The following SORCS2 variants were observed in gnomAD, a reference collection of about 807,000 sequenced individuals.
SORCS2 encodes the protein VPS10 domain-containing receptor SorCS2.
A neutral mutation model predicts 141.6 loss-of-function variants in SORCS2; 100 were observed. That is an observed-to-expected ratio of 0.71 (90% CI 0.60 to 0.83). The LOEUF (loss-of-function observed/expected upper bound fraction) is 0.83, where lower values mean the gene tolerates loss of function less well. Among genes scored for constraint, SORCS2 ranks in the 40% least tolerant of loss-of-function variants. The pLI is 0.00. For missense variants in SORCS2, 1,646 were observed against 1,560.2 expected (o/e 1.05, Z -0.93); for synonymous variants, 789 against 676.9 (o/e 1.17, Z -2.57).
At chr4:7,240,727 C>T (rs1488228324) in intron 1 of SORCS2, among the ~76,000 whole-genome samples, 2 of 152,142 alleles carry the variant, frequency 1.3e-5, no homozygotes, top group Non-Finnish European at 2.9e-5. Context: ...TGTAAACCTC[C>T]CCCTGAAGGG....
At chr4:7,405,988 C>T (rs904724731) in intron 2 of SORCS2, among the ~76,000 whole-genome samples, 1 of 151,794 alleles carries the variant, frequency 6.6e-6, no homozygotes. Context: ...TGTATATAGC[C>T]TTTATTATTT....
chr4:7,628,436 A>G (rs192980350), intron 3 of SORCS2, among the ~76,000 whole-genome samples: 3,096 of 151,504 alleles, frequency 0.02, 44 homozygotes, highest in Non-Finnish European at 0.031. Context: ...GGAGAATGGC[A>G]TGAACCCGGG....
intron 1 of SORCS2, among the ~76,000 whole-genome samples, chr4:7,267,104 T>C (rs933468089): frequency 6.6e-6 from 1 of 152,170 alleles, no homozygotes; most frequent in Non-Finnish European, 1.5e-5. Context: ...TAAATATTTA[T>C]TGCATGAATC....
chr4:7,354,631 C>T (rs1721139652), intron 1 of SORCS2, among the ~76,000 whole-genome samples: 1 of 152,342 alleles, frequency 6.6e-6, no homozygotes, highest in South Asian at 2.1e-4. Flanking sequence ...CTGGGAGCTT[C>T]TGCACACCAA....
chr4:7,352,407 G>T (rs1720995089), intron 1 of SORCS2, among the ~76,000 whole-genome samples: 1 of 152,220 alleles, frequency 6.6e-6, no homozygotes, highest in Non-Finnish European at 1.5e-5. Context: ...CTACACGGTG[G>T]CTTTGGGCAG....
intron 2 of SORCS2, among the ~76,000 whole-genome samples, chr4:7,465,455 G>A (rs149774032): frequency 1.3e-5 from 2 of 152,308 alleles, no homozygotes; most frequent in African/African-American, 4.8e-5. Flanking sequence ...GAGGTGACAG[G>A]CTTCCCTGTG....
At chr4:7,723,346 C>T in intron 18 of SORCS2, among the ~76,000 whole-genome samples, 1 of 152,176 alleles carries the variant, frequency 6.6e-6, no homozygotes, top group South Asian at 2.1e-4. Context: ...TGGCTCCATC[C>T]CTAGCACGGG....
At chr4:7,225,897 T>A (rs1187051660) in intron 1 of SORCS2, among the ~76,000 whole-genome samples, 1 of 152,132 alleles carries the variant, frequency 6.6e-6, no homozygotes, top group Non-Finnish European at 1.5e-5. Context: ...CTGTGTGGCC[T>A]TTTGGGTCCC....
intron 2 of SORCS2, among the ~76,000 whole-genome samples, chr4:7,455,040 TGTGTGTTGGGGTC>T (rs1728791784): frequency 3.0e-5 from 1 of 33,856 alleles, no homozygotes; most frequent in Non-Finnish European, 7.7e-5. Flanking sequence ...GGTCAGGTGC[TGTGTGTTGGGGTC>T]AGATGCTGTG....
intron 1 of SORCS2, among the ~76,000 whole-genome samples, chr4:7,382,247 G>T (rs557284008): frequency 5.5e-4 from 84 of 152,296 alleles, no homozygotes; most frequent in African/African-American, 1.9e-3. Flanking sequence ...CTTGACCACA[G>T]GGATGGGGTT....
chr4:7,712,119 C>T (rs946569296), intron 14 of SORCS2, among the ~76,000 whole-genome samples: 2 of 152,318 alleles, frequency 1.3e-5, no homozygotes, highest in South Asian at 2.1e-4. Flanking sequence ...TGTCTTCCGC[C>T]TCTTCCCCCA....
intron 1 of SORCS2, among the ~76,000 whole-genome samples, chr4:7,348,745 G>T (rs1174580748): frequency 6.6e-6 from 1 of 152,130 alleles, no homozygotes; most frequent in African/African-American, 2.4e-5. Flanking sequence ...TAGAGATGGG[G>T]TTTCACCATG....
At chr4:7,304,795 C>A (rs1314450057) in intron 1 of SORCS2, among the ~76,000 whole-genome samples, 1 of 152,216 alleles carries the variant, frequency 6.6e-6, no homozygotes, top group Middle Eastern at 3.2e-3. Context: ...AGGGCTCCAG[C>A]TGCAGAATCA....
chr4:7,335,936 C>A (rs992247534), intron 1 of SORCS2, among the ~76,000 whole-genome samples: 1 of 152,200 alleles, frequency 6.6e-6, no homozygotes, highest in Non-Finnish European at 1.5e-5. Context: ...AGGGCACAGA[C>A]CCAGCTCGTG....
chr4:7,494,649 G>A (rs1731505241), intron 2 of SORCS2, among the ~76,000 whole-genome samples: 1 of 152,202 alleles, frequency 6.6e-6, no homozygotes, highest in Non-Finnish European at 1.5e-5. Context: ...CCATTAAATT[G>A]GGGGTTAGGG....
chr4:7,514,086 G>A (rs1296109195), intron 2 of SORCS2, among the ~76,000 whole-genome samples: 1 of 152,114 alleles, frequency 6.6e-6, no homozygotes, highest in Non-Finnish European at 1.5e-5. Flanking sequence ...GACACAGGTG[G>A]GGCCAGTGGA....
intron 2 of SORCS2, among the ~76,000 whole-genome samples, chr4:7,403,961 G>GTGTGTATATATATATA (rs1260939310): frequency 3.3e-5 from 1 of 29,888 alleles, no homozygotes; most frequent in Non-Finnish European, 7.6e-5. Context: ...CTCCATGTGT[G>GTGTGTATATATATATA]TATATATATA....
At chr4:7,537,184 ACT>A (rs1227761024) in intron 3 of SORCS2, among the ~76,000 whole-genome samples, 1 of 152,040 alleles carries the variant, frequency 6.6e-6, no homozygotes, top group Non-Finnish European at 1.5e-5. Context: ...GAGCTGTGTA[ACT>A]CTGGGCAGAT....
At chr4:7,652,589 T>C (rs1721515319) in intron 4 of SORCS2, among the ~76,000 whole-genome samples, 1 of 152,016 alleles carries the variant, frequency 6.6e-6, no homozygotes. Flanking sequence ...GGGGCACAGA[T>C]CCAAGAACCC....
Sources: allele counts gnomAD v4.1 joint callset (sites outside exome capture counted in the v4.1 genomes callset), GRCh38; gene constraint gnomAD v4.1.1; transcripts MANE v1.5; gene names NCBI Gene and HGNC (gene_info 2026-07-23, HGNC 2026-07-21).